Variants in CSMD3 observed in about 807,000 individuals in gnomAD.
The protein encoded by CSMD3 is CUB and sushi domain-containing protein 3.
CSMD3 carries 177 observed loss-of-function variants against 435.2 expected under a neutral mutation model. The observed-to-expected ratio is 0.41, with a 90% confidence interval of 0.36 to 0.46. CSMD3 has a LOEUF of 0.46. Ranked by LOEUF, CSMD3 falls within the 20% of genes least tolerant of loss-of-function variation. The pLI is 0.34. For synonymous variants in CSMD3, 1,656 were observed against 1,520.5 expected (o/e 1.09, Z -2.07); for missense variants, 4,265 against 4,504.6 (o/e 0.95, Z 1.52).
intron 31 of CSMD3, among the ~76,000 whole-genome samples, chr8:112,478,545 C>T (rs914931978): frequency 6.6e-6 from 1 of 152,152 alleles, no homozygotes; most frequent in African/African-American, 2.4e-5. Flanking sequence ...TCCTAGAGAT[C>T]TGTGCAAACT....
chr8:112,257,962 T>A (rs1815966907), intron 61 of CSMD3, among the ~76,000 whole-genome samples: 1 of 152,088 alleles, frequency 6.6e-6, no homozygotes, highest in Admixed American at 6.5e-5. Flanking sequence ...AACAGAGGCC[T>A]CAGAAATAAC....
chr8:112,981,719 C>T (rs1192082305), intron 6 of CSMD3, among the ~76,000 whole-genome samples: 1 of 151,650 alleles, frequency 6.6e-6, no homozygotes, highest in Non-Finnish European at 1.5e-5. Flanking sequence ...TACACTATTA[C>T]ACAATGTTTA....
At chr8:113,373,110 G>C (rs1357173528) in intron 1 of CSMD3, among the ~76,000 whole-genome samples, 1 of 152,000 alleles carries the variant, frequency 6.6e-6, no homozygotes, top group Non-Finnish European at 1.5e-5. Context: ...TAGTACCAAC[G>C]CCACTCTGAA....
chr8:112,337,165 A>G (rs1207267829), intron 43 of CSMD3, among the ~76,000 whole-genome samples: 1 of 152,176 alleles, frequency 6.6e-6, no homozygotes, highest in Non-Finnish European at 1.5e-5. Context: ...AGGCCTTATA[A>G]GAGGTTCAAA....
At chr8:113,393,839 C>A (rs2094471666) in intron 1 of CSMD3, among the ~76,000 whole-genome samples, 1 of 151,878 alleles carries the variant, frequency 6.6e-6, no homozygotes, top group Admixed American at 6.6e-5. Flanking sequence ...TTATAAAAAT[C>A]CTGTAATATA....
At chr8:113,418,815 G>C (rs1230730103) in intron 1 of CSMD3, among the ~76,000 whole-genome samples, 1 of 152,116 alleles carries the variant, frequency 6.6e-6, no homozygotes, top group Non-Finnish European at 1.5e-5. Flanking sequence ...GTGAAACAGA[G>C]GTAAAAATGT....
intron 10 of CSMD3, among the ~76,000 whole-genome samples, chr8:112,861,997 G>A (rs1293124254): frequency 1.3e-5 from 2 of 151,932 alleles, no homozygotes; most frequent in East Asian, 1.9e-4. Context: ...AAGTTCTTTC[G>A]CACAGCTCTT....
chr8:113,342,372 T>A (rs953088815), intron 1 of CSMD3, among the ~76,000 whole-genome samples: 1 of 152,210 alleles, frequency 6.6e-6, no homozygotes, highest in African/African-American at 2.4e-5. Flanking sequence ...TAGCTGAAAA[T>A]CCTGAAAGCT....
intron 27 of CSMD3, among the ~76,000 whole-genome samples, chr8:112,546,460 C>CA (rs1827190557): frequency 6.6e-6 from 1 of 152,144 alleles, no homozygotes; most frequent in Admixed American, 6.6e-5. Flanking sequence ...TTCAACCTCT[C>CA]ATGGCTAAGG....
chr8:112,301,291 C>T lies in CSMD3; in HGVS notation c.8440+502G>A, dbSNP rs1285374604. On this transcript the variant is annotated intron_variant, in intron 53 of 70. Transcript: ENST00000297405. ...AATAAATACTCTAAGGGGAAAACATCCTAATTGCCTAAAATCAGGTTCAAA... is the reference window on the plus strand; with the variant it reads ...AATAAATACTCTAAGGGGAAAACATTCTAATTGCCTAAAATCAGGTTCAAA... Among the ~76,000 whole-genome samples the T allele has an allele frequency of 2.0e-5, 3 of 151,740 alleles. No homozygotes were observed. The East Asian group carries it at 5.8e-4, about 29-fold the overall frequency.
chr8:113,053,438 A>C (rs1392077477), intron 5 of CSMD3, among the ~76,000 whole-genome samples: 5 of 151,982 alleles, frequency 3.3e-5, no homozygotes, highest in African/African-American at 1.2e-4. Flanking sequence ...TGTTTTTATA[A>C]ACATATATAA....
intron 9 of CSMD3, among the ~76,000 whole-genome samples, chr8:112,926,103 G>A (rs1046282305): frequency 6.6e-6 from 1 of 152,174 alleles, no homozygotes; most frequent in South Asian, 2.1e-4. Flanking sequence ...AGAAGTCAAT[G>A]AAATAAGTAG....
chr8:113,066,825 A>T (rs1041232065), intron 5 of CSMD3, among the ~76,000 whole-genome samples: 1 of 152,100 alleles, frequency 6.6e-6, no homozygotes, highest in African/African-American at 2.4e-5. Flanking sequence ...AACAGATATC[A>T]TTGGTTAAAA....
intron 9 of CSMD3, among the ~76,000 whole-genome samples, chr8:112,943,335 G>A (rs990963087): frequency 6.8e-6 from 1 of 146,342 alleles, no homozygotes; most frequent in Non-Finnish European, 1.5e-5. Flanking sequence ...TTTTAATGAA[G>A]TATGACATCA....
intron 1 of CSMD3, among the ~76,000 whole-genome samples, chr8:113,423,547 G>T (rs989396039): frequency 1.3e-5 from 2 of 151,906 alleles, no homozygotes; most frequent in African/African-American, 4.8e-5. Context: ...ATTGTTTATG[G>T]TTGTTTCTTT....
chr8:112,754,150 T>A (rs2077637981), intron 13 of CSMD3, among the ~76,000 whole-genome samples: 2 of 152,164 alleles, frequency 1.3e-5, no homozygotes, highest in Non-Finnish European at 2.9e-5. Flanking sequence ...CAACTGAGGA[T>A]CCTTTGTTCA....
intron 32 of CSMD3, among the ~76,000 whole-genome samples, chr8:112,448,423 A>G (rs1385322059): frequency 6.6e-6 from 1 of 152,126 alleles, no homozygotes; most frequent in Non-Finnish European, 1.5e-5. Flanking sequence ...GTGTCTTTAT[A>G]AGGAAAGGAA....
intron 30 of CSMD3, among the ~76,000 whole-genome samples, chr8:112,501,838 A>G (rs1037970113): frequency 3.9e-5 from 6 of 152,220 alleles, no homozygotes; most frequent in African/African-American, 1.2e-4. Context: ...TGATATAGCC[A>G]TATGGTGGAG....
intron 27 of CSMD3, among the ~76,000 whole-genome samples, chr8:112,533,327 G>A (rs569161850): frequency 8.4e-4 from 127 of 151,986 alleles, no homozygotes; most frequent in African/African-American, 3.0e-3. Context: ...AAAACAAAGT[G>A]GCTGAATGAA....
Sources: allele counts gnomAD v4.1 joint callset (sites outside exome capture counted in the v4.1 genomes callset), GRCh38; gene constraint gnomAD v4.1.1; transcripts MANE v1.5; gene names NCBI Gene and HGNC (gene_info 2026-07-23, HGNC 2026-07-21).